TLN2: variants seen among roughly 807,000 people sequenced by gnomAD.
TLN2 encodes talin 2.
In TLN2, 118 loss-of-function variants were observed where a neutral mutation model predicts 294.7. That is an observed-to-expected ratio of 0.40 (90% CI 0.34 to 0.47). The LOEUF (loss-of-function observed/expected upper bound fraction) is 0.47. TLN2 is among the 20% of genes least tolerant of loss of function. TLN2 has a pLI of 0.84. For missense variants in TLN2, 3,083 were observed against 3,282.2 expected (o/e 0.94, Z 1.48); for synonymous variants, 1,431 against 1,304.5 (o/e 1.10, Z -2.09).
At chr15:62,810,702 G>A (rs150219296) in intron 52 of TLN2, among the ~76,000 whole-genome samples, 11 of 152,212 alleles carry the variant, frequency 7.2e-5, no homozygotes, top group African/African-American at 2.2e-4. Flanking sequence ...ACCAAACCAC[G>A]GAGCACCAAG....
chr15:62,463,058 T>C (rs1365560004), intron 1 of TLN2, among the ~76,000 whole-genome samples: 2 of 152,130 alleles, frequency 1.3e-5, no homozygotes, highest in East Asian at 3.9e-4. Context: ...CCTCTTGCCT[T>C]TCCCCCAACC....
chr15:62,391,991 G>C (rs1394496671), intron 1 of TLN2, among the ~76,000 whole-genome samples: 1 of 152,266 alleles, frequency 6.6e-6, no homozygotes, highest in Non-Finnish European at 1.5e-5. Flanking sequence ...CTCACTTCCT[G>C]GGGGAGAGGA....
chr15:62,798,865 A>G (rs1346722618), intron 48 of TLN2, among the ~76,000 whole-genome samples: 1 of 152,226 alleles, frequency 6.6e-6, no homozygotes, highest in African/African-American at 2.4e-5. Context: ...ATCAGAGTCC[A>G]GATTGGCTGC....
chr15:62,770,958 T>C lies in TLN2; in HGVS notation c.5197-6T>C. ...CATCTCTGGCTTTTTTTTTTTTTTT[T>C]GAAAGGTGACACAACTGGCAAGCTA... On this transcript the variant is annotated splice_region_variant and splice_polypyrimidine_tract_variant and intron_variant, in intron 41 of 58. Coordinates refer to ENST00000636159, the MANE Select transcript of TLN2 (RefSeq NM_015059.3). 7 of 1,566,590 alleles carry C rather than the reference T, an allele frequency of 4.5e-6. No individual in the cohort carries two copies. The highest frequency in any genetic ancestry group is 5.2e-6 in the Non-Finnish European group (6 of 1,163,394).
intron 45 of TLN2, among the ~76,000 whole-genome samples, chr15:62,787,911 C>T (rs1001199486): frequency 6.7e-6 from 1 of 149,012 alleles, no homozygotes. Context: ...AGGCTGGTCT[C>T]GAACTCCTGG....
chr15:62,535,812 C>G (rs2041318529), intron 1 of TLN2, among the ~76,000 whole-genome samples: 2 of 152,186 alleles, frequency 1.3e-5, no homozygotes, highest in Admixed American at 6.5e-5. Flanking sequence ...CTCAGCCTCC[C>G]AAAGTGCTGG....
intron 1 of TLN2, among the ~76,000 whole-genome samples, chr15:62,394,921 A>ATC (rs2032408821): frequency 6.6e-6 from 1 of 152,220 alleles, no homozygotes; most frequent in South Asian, 2.1e-4. Flanking sequence ...GTGGAGTTTC[A>ATC]GAGACGGTGC....
At chr15:62,450,046 G>A (rs985981250) in intron 1 of TLN2, among the ~76,000 whole-genome samples, 6 of 152,186 alleles carry the variant, frequency 3.9e-5, no homozygotes, top group African/African-American at 9.6e-5. Context: ...AGTTGCCCCC[G>A]TACCTGGACC....
chr15:62,712,526 A>C (rs1186392696), intron 22 of TLN2, among the ~76,000 whole-genome samples: 3 of 148,860 alleles, frequency 2.0e-5, no homozygotes, highest in Admixed American at 1.4e-4. Context: ...TCCCAGTTGC[A>C]GTTTTAAATA....
At chr15:62,607,925 T>G (rs2047589525) in intron 2 of TLN2, among the ~76,000 whole-genome samples, 1 of 152,220 alleles carries the variant, frequency 6.6e-6, no homozygotes, top group Non-Finnish European at 1.5e-5. Flanking sequence ...TTTCCCTTCT[T>G]TGCTAATGTC....
At chr15:62,759,447 C>T (rs943844432) in intron 37 of TLN2, among the ~76,000 whole-genome samples, 5 of 152,142 alleles carry the variant, frequency 3.3e-5, no homozygotes, top group Non-Finnish European at 7.4e-5. Context: ...AACAAACAAA[C>T]AAACAAACCC....
intron 22 of TLN2, 98 bp from the exon 23 acceptor site, chr15:62,716,233 C>G: frequency 2.3e-6 from 3 of 1,306,320 alleles, no homozygotes; most frequent in Non-Finnish European, 3.0e-6. Flanking sequence ...ACTATCCTTG[C>G]AAATGCTTTC....
intron 57 of TLN2, 104 bp downstream of exon 57, chr15:62,836,177 A>G (rs1030860863): frequency 5.3e-5 from 79 of 1,478,732 alleles, no homozygotes; most frequent in Non-Finnish European, 6.4e-5. Flanking sequence ...CAGGCCTTCC[A>G]TCAGCCAGCC....
intron 1 of TLN2, among the ~76,000 whole-genome samples, chr15:62,574,556 G>C (rs946314674): frequency 1.8e-5 from 2 of 110,426 alleles, no homozygotes; most frequent in Non-Finnish European, 3.4e-5. Context: ...CTCCAGCCTG[G>C]GCAACAGGAT....
intron 4 of TLN2, among the ~76,000 whole-genome samples, chr15:62,649,349 A>G (rs1205995267): frequency 6.6e-6 from 1 of 151,762 alleles, no homozygotes; most frequent in Non-Finnish European, 1.5e-5. Context: ...GAAGGTATAA[A>G]CCTTTAAAGA....
chr15:62,701,267 T>G lies in TLN2; in HGVS notation c.1696+53T>G, dbSNP rs556183643. The G allele has an allele frequency of 3.8e-3, 5,191 of 1,378,544 alleles. 23 individuals are homozygous for G. The highest frequency in any genetic ancestry group is 4.7e-3 in the Non-Finnish European group (4,710 of 1,002,808). 85.4% of individuals were successfully genotyped at this position (1,378,544 alleles called of 1,614,324 possible). A position where few individuals can be genotyped will look rare whatever the true frequency, so the allele number is the denominator to read the frequency against. Reference sequence around the variant, plus strand: ...TTGGGGTTTTGTTTAAAAGCTGTGTTTTTTTTTTTAATTTTAAAAAATAAG... The same window carrying G: ...TTGGGGTTTTGTTTAAAAGCTGTGTGTTTTTTTTTAATTTTAAAAAATAAG... On this transcript the variant is annotated intron_variant, in intron 17 of 58. Coordinates refer to ENST00000636159, the MANE Select transcript of TLN2 (RefSeq NM_015059.3).
At chr15:62,488,875 A>C (rs1056480556) in intron 1 of TLN2, among the ~76,000 whole-genome samples, 2 of 152,192 alleles carry the variant, frequency 1.3e-5, no homozygotes, top group South Asian at 2.1e-4. Context: ...TAAATATATA[A>C]ATATAGGCCA....
At chr15:62,644,570 C>G (rs1310455152) in intron 3 of TLN2, 3 of 455,990 alleles carry the variant, frequency 6.6e-6, no homozygotes, top group African/African-American at 6.0e-5. Context: ...CCTTCATGTC[C>G]TCCTGTTTCT....
chr15:62,464,687 A>T (rs1440593991), intron 1 of TLN2, among the ~76,000 whole-genome samples: 3 of 152,070 alleles, frequency 2.0e-5, no homozygotes, highest in African/African-American at 7.2e-5. Flanking sequence ...ATTGCAAAAA[A>T]TTTTGGTGTT....
Sources: allele counts gnomAD v4.1 joint callset (sites outside exome capture counted in the v4.1 genomes callset), GRCh38; gene constraint gnomAD v4.1.1; transcripts MANE v1.5; gene names NCBI Gene and HGNC (gene_info 2026-07-23, HGNC 2026-07-21).